The following C9 variants were observed in gnomAD, a reference collection of about 807,000 sequenced individuals.
C9 encodes complement component C9.
A neutral mutation model predicts 65.4 loss-of-function variants in C9; 63 were observed. The observed-to-expected ratio is 0.96, with a 90% CI of 0.79 to 1.19. C9 has a LOEUF of 1.19. Ranked by LOEUF, C9 falls within the 50% of genes most tolerant of loss-of-function variation. C9 has a pLI of 0.00. For synonymous variants in C9, 229 were observed against 227.9 expected (o/e 1.00, Z -0.04); for missense variants, 744 against 670.1 (o/e 1.11, Z -1.22).
At chr5:39,359,446 T>G (rs1754476610) in intron 1 of C9, among the ~76,000 whole-genome samples, 1 of 152,010 alleles carries the variant, frequency 6.6e-6, no homozygotes, top group Admixed American at 6.6e-5. Flanking sequence ...GGCGTATAAG[T>G]GGCGTTTCAC....
At chr5:39,308,181 A>G in intron 8 of C9, 49 bp downstream of exon 8, 2 of 1,558,036 alleles carry the variant, frequency 1.3e-6, no homozygotes, top group Non-Finnish European at 8.9e-7. Flanking sequence ...GTGCTCATTG[A>G]CATCTACCCT....
intron 5 of C9, among the ~76,000 whole-genome samples, chr5:39,330,304 G>C (rs993702207): frequency 1.3e-5 from 2 of 152,100 alleles, no homozygotes; most frequent in African/African-American, 4.8e-5. Flanking sequence ...ATTCTGAAAT[G>C]CTGAAACACA....
At chr5:39,307,415 G>A (rs1211081796) in intron 8 of C9, among the ~76,000 whole-genome samples, 1 of 152,050 alleles carries the variant, frequency 6.6e-6, no homozygotes, top group Non-Finnish European at 1.5e-5. Flanking sequence ...TTAGAGAGGT[G>A]GAGTGACTAG....
intron 1 of C9, among the ~76,000 whole-genome samples, chr5:39,357,439 G>GC (rs765291723): frequency 4.0e-4 from 61 of 152,272 alleles, no homozygotes; most frequent in Non-Finnish European, 6.3e-4. Flanking sequence ...CTTTAAATGA[G>GC]CCAAGGGTCA....
At chr5:39,299,853 G>A (rs934177750) in intron 9 of C9, among the ~76,000 whole-genome samples, 3 of 151,970 alleles carry the variant, frequency 2.0e-5, no homozygotes, top group Admixed American at 6.6e-5. Context: ...ACATTAAAAT[G>A]TATCTATATA....
intron 1 of C9, among the ~76,000 whole-genome samples, chr5:39,357,092 G>A (rs944710921): frequency 2.0e-5 from 3 of 152,166 alleles, no homozygotes. Flanking sequence ...TATACGCCTG[G>A]TCCTATTATC....
At chr5:39,351,364 T>C (rs11740241) in intron 1 of C9, among the ~76,000 whole-genome samples, 43,670 of 152,136 alleles carry the variant, frequency 0.29, 7,088 homozygotes, top group Non-Finnish European at 0.36. Context: ...CTCCTCTTTA[T>C]TTTTGCAAAT....
At chr5:39,306,283 G>T (rs554241191) in intron 9 of C9, among the ~76,000 whole-genome samples, 1 of 152,174 alleles carries the variant, frequency 6.6e-6, no homozygotes, top group South Asian at 2.1e-4. Context: ...CTAATCATAT[G>T]TGAGTACCTA....
intron 1 of C9, among the ~76,000 whole-genome samples, chr5:39,353,787 G>T (rs958995302): frequency 6.6e-6 from 1 of 152,174 alleles, no homozygotes; most frequent in Non-Finnish European, 1.5e-5. Context: ...ATACCAGTGA[G>T]CTTGGGGACT....
At chr5:39,356,962 A>G (rs1754423068) in intron 1 of C9, among the ~76,000 whole-genome samples, 1 of 152,228 alleles carries the variant, frequency 6.6e-6, no homozygotes, top group Non-Finnish European at 1.5e-5. Context: ...ATCAAATAAA[A>G]CGTATCTCCA....
intron 9 of C9, among the ~76,000 whole-genome samples, chr5:39,292,027 G>A (rs1579838197): frequency 1.3e-5 from 2 of 151,834 alleles, no homozygotes; most frequent in South Asian, 2.1e-4. Flanking sequence ...GGGGTTGAGA[G>A]GGGGAGAGAA....
intron 10 of C9, 87 bp downstream of exon 10, chr5:39,288,636 C>T (rs1753033858): frequency 2.7e-6 from 2 of 752,232 alleles, no homozygotes; most frequent in Admixed American, 1.9e-5. Flanking sequence ...AGATTTAGTA[C>T]AAATTAATTC....
At chr5:39,313,287 T>C (rs533829915) in intron 6 of C9, among the ~76,000 whole-genome samples, 1 of 152,262 alleles carries the variant, frequency 6.6e-6, no homozygotes, top group East Asian at 1.9e-4. Flanking sequence ...ATCTAAATTA[T>C]TCATGCTTCT....
chr5:39,359,102 G>GTATATATATATATATATATA lies in C9; in HGVS notation c.77+5266_77+5285dup, dbSNP rs1157807681. Among the ~76,000 whole-genome samples the GTATATATATATATATATATA allele has an allele frequency of 5.9e-3, 613 of 103,518 alleles. 9 individuals carry two copies. Among genetic ancestry groups the GTATATATATATATATATATA allele is most frequent in the African/African-American group, 0.011 (304 of 26,466 alleles). 67.9% of individuals were successfully genotyped at this position (103,518 alleles called of 152,430 possible). ...TGTATATATATATGTGTGTGTGTGT[G>GTATATATATATATATATATA]TATATATATATATATATATATATGT... On this transcript the variant is annotated intron_variant, in intron 1 of 10. Transcript: ENST00000263408.
intron 4 of C9, among the ~76,000 whole-genome samples, chr5:39,337,995 C>T (rs1754001924): frequency 6.6e-6 from 1 of 152,146 alleles, no homozygotes; most frequent in Non-Finnish European, 1.5e-5. Context: ...AGGGAGTGTA[C>T]TCCTATTACC....
rs762159491 is a variant in C9, at chr5:39,285,201, AT to A, written c.1677del (p.Lys559AsnfsTer44). ...GLPALEFPNEK is the reference protein window; with the variant it reads ...GLPALEFPNEX ...GGAGCTCAGAGAAGCCAACAGCTCTATTTTTCATTGGGGAACTCTAGGGCTG... is the reference window on the plus strand; with the variant it reads ...GGAGCTCAGAGAAGCCAACAGCTCTATTTTCATTGGGGAACTCTAGGGCTG... On this transcript the variant is annotated frameshift_variant, in exon 11 of 11. Transcript: ENST00000263408. LOFTEE classifies it high-confidence loss of function. 1.1e-4 allele frequency: 184 copies of A among 1,612,748 alleles called. No individual in the cohort carries two copies. The highest frequency in any genetic ancestry group is 1.5e-4 in the Non-Finnish European group (180 of 1,179,002).
intron 2 of C9, 47 bp from the exon 3 acceptor site, chr5:39,341,747 A>C (rs1284415345): frequency 4.4e-6 from 7 of 1,584,320 alleles, no homozygotes; most frequent in Non-Finnish European, 6.1e-6. Context: ...TGCCAAAAAA[A>C]GGGTATGGTC....
chr5:39,288,813 C>T lies in C9; in HGVS notation c.1555G>A (p.Val519Met). ...KCHTCQNGGTVILMDGKCLCA... is the reference protein window; with the variant it reads ...KCHTCQNGGTMILMDGKCLCA... Reference sequence around the variant, plus strand: ...AAACACTTTCCATCCATTAGAATCACTGTACCTCCATTTTGGCATGTGTGG... The same window carrying T: ...AAACACTTTCCATCCATTAGAATCATTGTACCTCCATTTTGGCATGTGTGG... Residue 519 changes from valine to methionine, a missense_variant, in exon 10 of 11, where the codon GTG (valine) becomes ATG (methionine). By Grantham distance (21) the Val-to-Met change is conservative. Coordinates refer to ENST00000263408, the MANE Select transcript of C9 (RefSeq NM_001737.5). The T allele has an allele frequency of 6.2e-7, 1 of 1,612,248 alleles. No homozygotes were observed. The highest frequency in any genetic ancestry group is 1.1e-5 in the South Asian group (1 of 91,048).
chr5:39,314,457 ATAAATTAAAT>A lies in C9; in HGVS notation c.870+1308_870+1317del, dbSNP rs564121235. ...AGAGCAAAAATCTATCTCAAAATAA[ATAAATTAAAT>A]TAAATTAAATTAAATTAAAATTAAA... On this transcript the variant is annotated intron_variant, in intron 6 of 10. Transcript: ENST00000263408. Among the ~76,000 whole-genome samples, 11 of 152,124 alleles carry A rather than the reference ATAAATTAAAT, an allele frequency of 7.2e-5. No homozygotes were observed. The South Asian group carries it at 1.9e-3, about 26-fold the overall frequency.
Sources: allele counts gnomAD v4.1 joint callset (sites outside exome capture counted in the v4.1 genomes callset), GRCh38; gene constraint gnomAD v4.1.1; transcripts MANE v1.5; gene names NCBI Gene and HGNC (gene_info 2026-07-23, HGNC 2026-07-21).